The following GALNT18 variants were observed in gnomAD, a reference collection of about 807,000 sequenced individuals.
GALNT18 encodes polypeptide N-acetylgalactosaminyltransferase 18, also known as GalNAc-transferase 18.
In GALNT18, 44 loss-of-function variants were observed where a neutral mutation model predicts 69.5. The observed-to-expected ratio is 0.63, with a 90% CI of 0.50 to 0.81. The LOEUF (loss-of-function observed/expected upper bound fraction) is 0.81, where lower values mean the gene tolerates loss of function less well. Ranked by LOEUF, GALNT18 falls within the 40% of genes least tolerant of loss-of-function variation. GALNT18 has a pLI of 0.00. For synonymous variants in GALNT18, 364 were observed against 318.2 expected, an observed-to-expected ratio of 1.14 and a Z score of -1.53; for missense variants, 715 against 810.0, an observed-to-expected ratio of 0.88 and a Z score of 1.42.
At position 11,613,210 on chromosome 11, in the gene GALNT18, C is replaced by T. The variant is rs1308272507; in HGVS notation, c.235+8149G>A. ...TTAAGTGTTCATATAACAAGGAATC[C>T]TCTTGCTTAAAGTTCCAGTTGGCTG... is the stretch of plus-strand genomic sequence containing the variant. On this transcript the variant is annotated intron_variant, in intron 1 of 10. Coordinates refer to ENST00000227756, the MANE Select transcript of GALNT18 (RefSeq NM_198516.3). This position sits in a 1 kb window ranked among gnomAD's most constrained non-coding sequence, Gnocchi z 4.2. Among the ~76,000 whole-genome samples the T allele has an allele frequency of 6.6e-6, 1 of 152,122 alleles. No individual in the cohort carries two copies. Among genetic ancestry groups the T allele is most frequent in the African/African-American group, 2.4e-5 (1 of 41,408 alleles).
chr11:11,461,514 T>C lies in GALNT18; in HGVS notation c.236-12578A>G, dbSNP rs1856042176. Among the ~76,000 whole-genome samples the C allele has an allele frequency of 6.6e-6, 1 of 152,226 alleles. No homozygotes were observed. The highest frequency in any genetic ancestry group is 1.5e-5 in the Non-Finnish European group (1 of 68,044). ...AAAGCAACCTTTAAAGCTAGAATTC[T>C]GCCTAGGAGAGATATAATAAACTCT... On this transcript the variant is annotated intron_variant, in intron 1 of 10. Coordinates refer to ENST00000227756, the MANE Select transcript of GALNT18 (RefSeq NM_198516.3). The surrounding 1 kb of genome is among the most constrained non-coding windows in gnomAD (Gnocchi z 4.1).
intron 6 of GALNT18, chr11:11,352,770 T>A: frequency 6.2e-7 from 1 of 1,614,170 alleles, no homozygotes; most frequent in Non-Finnish European, 8.5e-7. Context: ...GTCTGTGTTG[T>A]TTACGTGTTC....
At position 11,614,996 on chromosome 11, in the gene GALNT18, G is replaced by T. The variant is rs556411852; in HGVS notation, c.235+6363C>A. On this transcript the variant is annotated intron_variant, in intron 1 of 10. Transcript: ENST00000227756. The surrounding 1 kb of genome is among the most constrained non-coding windows in gnomAD (Gnocchi z 5.6). ...CTGTGGTTCTGAACTAGTAACAAAG[G>T]TAATTAGGCTCAACTCCTAAGTCCT... 6.6e-6 allele frequency among the ~76,000 whole-genome samples: 1 copy of T among 152,184 alleles called. No individual in the cohort carries two copies. The highest frequency in any genetic ancestry group is 1.5e-5 in the Non-Finnish European group (1 of 68,048).
rs1220128049 is a variant in GALNT18 at position 11,602,786 on chromosome 11, G to C, written c.235+18573C>G. Among the ~76,000 whole-genome samples the C allele has an allele frequency of 6.6e-6, 1 of 152,164 alleles. No homozygotes were observed. Among genetic ancestry groups the C allele is most frequent in the East Asian group, 1.9e-4 (1 of 5,184 alleles). ...GCAAAAAAAGAGAGAATCATTTAGA[G>C]AACAGCTGGCTCTATTGATCAGTGC... On this transcript the variant is annotated intron_variant, in intron 1 of 10. Transcript: ENST00000227756. This position sits in a 1 kb window ranked among gnomAD's most constrained non-coding sequence, Gnocchi z 4.7.
Position 11,356,892 on chromosome 11 carries a change from C to A in GALNT18, c.1092+15623G>T, listed in dbSNP as rs536347464. ...TAATTTTGCACTTATCTTCACTAAC[C>A]ATAAAACTTTTACAACGTACTTTTA... On this transcript the variant is annotated intron_variant, in intron 6 of 10. Transcript: ENST00000227756. This position sits in a 1 kb window ranked among gnomAD's most constrained non-coding sequence, Gnocchi z 4.4. Among the ~76,000 whole-genome samples the A allele has an allele frequency of 3.3e-5, 5 of 152,248 alleles. No homozygotes were observed. In the East Asian group the frequency reaches 9.7e-4, roughly 29 times the overall value.
chr11:11,297,259 G>A (rs1849417923), intron 9 of GALNT18, among the ~76,000 whole-genome samples: 1 of 152,114 alleles, frequency 6.6e-6, no homozygotes, highest in South Asian at 2.1e-4. Context: ...TATAATAAAA[G>A]CTAACATGTT....
Position 11,503,717 on chromosome 11 carries a change from G to A in GALNT18, c.236-54781C>T, listed in dbSNP as rs190101675. On this transcript the variant is annotated intron_variant, in intron 1 of 10. Coordinates refer to ENST00000227756, the MANE Select transcript of GALNT18 (RefSeq NM_198516.3). ...TCCCTGCGGATTATGAGAAAGCTTC[G>A]CCACCTTCTGTGACCGTTCCAACTG... Among the ~76,000 whole-genome samples the A allele has an allele frequency of 1.9e-3, 296 of 152,286 alleles. 3 individuals carry two copies. The highest frequency in any genetic ancestry group is 6.6e-3 in the African/African-American group (273 of 41,544).
intron 1 of GALNT18, among the ~76,000 whole-genome samples, chr11:11,474,731 C>G (rs992078003): frequency 1.3e-5 from 2 of 152,224 alleles, no homozygotes; most frequent in Non-Finnish European, 2.9e-5. Context: ...ATTTATTCCT[C>G]ACTGTATCAA....
At chr11:11,458,708 C>T (rs545038277) in intron 1 of GALNT18, among the ~76,000 whole-genome samples, 2 of 152,382 alleles carry the variant, frequency 1.3e-5, no homozygotes, top group East Asian at 3.9e-4. Context: ...ACAGCCGGAA[C>T]AGCAGCGTTC....
chr11:11,595,014 T>TA lies in GALNT18; in HGVS notation c.235+26344dup, dbSNP rs2133935842. 6.6e-6 allele frequency among the ~76,000 whole-genome samples: 1 copy of TA among 151,164 alleles called. No homozygotes were observed. The highest frequency in any genetic ancestry group is 1.9e-4 in the East Asian group (1 of 5,152). On this transcript the variant is annotated intron_variant, in intron 1 of 10. Transcript: ENST00000227756. This position sits in a 1 kb window ranked among gnomAD's most constrained non-coding sequence, Gnocchi z 5.2. ...GTGTGTGTGTGTATATATATCTATA[T>TA]AAAATCTCCAAGAATGAATATATAC...
chr11:11,395,035 A>G lies in GALNT18; in HGVS notation c.596-15771T>C, dbSNP rs563377747. Among the ~76,000 whole-genome samples the G allele has an allele frequency of 3.9e-5, 6 of 152,334 alleles. No individual in the cohort carries two copies. In the East Asian group the frequency reaches 1.2e-3, roughly 29 times the overall value. ...AGCTCTGCGGTATAAGGCAAAGTTG[A>G]TCTCCAGGTTCAGAACTGGGGTTAT... On this transcript the variant is annotated intron_variant, in intron 3 of 10. Coordinates refer to ENST00000227756, the MANE Select transcript of GALNT18 (RefSeq NM_198516.3).
rs1253908823 is a variant in GALNT18 at position 11,562,896 on chromosome 11, C to T, written c.235+58463G>A. Reference sequence around the variant, plus strand: ...CGAGGCCTGGGCTTTCCCTTCCCATCACCCTGCCTCAGGCTTCATTCAGCA... The same window carrying T: ...CGAGGCCTGGGCTTTCCCTTCCCATTACCCTGCCTCAGGCTTCATTCAGCA... On this transcript the variant is annotated intron_variant, in intron 1 of 10. Coordinates refer to ENST00000227756, the MANE Select transcript of GALNT18 (RefSeq NM_198516.3). This position sits in a 1 kb window ranked among gnomAD's most constrained non-coding sequence, Gnocchi z 4.1. Among the ~76,000 whole-genome samples the T allele has an allele frequency of 1.3e-5, 2 of 152,174 alleles. No individual in the cohort carries two copies. Among genetic ancestry groups the T allele is most frequent in the Non-Finnish European group, 2.9e-5 (2 of 68,038 alleles).
At chr11:11,367,934 G>C (rs1850808156) in intron 6 of GALNT18, among the ~76,000 whole-genome samples, 1 of 152,146 alleles carries the variant, frequency 6.6e-6, no homozygotes, top group African/African-American at 2.4e-5. Context: ...TAACAACTGT[G>C]CCATACTGTG....
At chr11:11,489,408 T>C (rs1195488268) in intron 1 of GALNT18, among the ~76,000 whole-genome samples, 1 of 152,154 alleles carries the variant, frequency 6.6e-6, no homozygotes, top group East Asian at 1.9e-4. Context: ...TGAACCTCCC[T>C]GAGATAATAG....
In GALNT18 at chr11:11,271,308, C is replaced by G. The variant is rs1341594481; in HGVS notation, c.1678-18G>C. The stretch of plus-strand genomic sequence containing the variant: ...GGTCCTCCCTAGGGGCCAGGGCAGA[C>G]AGTGGGGTCAGAGGGCATAGAGGCA... On this transcript the variant is annotated intron_variant, in intron 10 of 10. Transcript: ENST00000227756. The G allele has an allele frequency of 3.1e-6, 5 of 1,610,562 alleles. No individual in the cohort carries two copies. The highest frequency in any genetic ancestry group is 4.2e-6 in the Non-Finnish European group (5 of 1,177,172).
intron 3 of GALNT18, among the ~76,000 whole-genome samples, chr11:11,418,618 T>C (rs1179335004): frequency 6.6e-6 from 1 of 152,234 alleles, no homozygotes; most frequent in Non-Finnish European, 1.5e-5. Context: ...CTTTGCTTTG[T>C]GTGCTTTGCT....
chr11:11,277,406 T>G (rs999253186), intron 10 of GALNT18, among the ~76,000 whole-genome samples: 1 of 152,060 alleles, frequency 6.6e-6, no homozygotes, highest in African/African-American at 2.4e-5. Flanking sequence ...CTTTTTTTTG[T>G]TAGTCTGGCT....
intron 9 of GALNT18, among the ~76,000 whole-genome samples, chr11:11,312,058 G>A (rs977583414): frequency 8.5e-5 from 13 of 152,156 alleles, no homozygotes; most frequent in African/African-American, 3.1e-4. Context: ...CCGGGTTCAC[G>A]CCGTTCTCCT....
rs117218195 is a variant in GALNT18, at chr11:11,418,070, G to A, written c.595+14551C>T. On this transcript the variant is annotated intron_variant, in intron 3 of 10. Transcript: ENST00000227756. ...TGATAGAACTACTAAATGGCTCTGT[G>A]CTCAGCCATGCATTGTTTAAGGAAG... Among the ~76,000 whole-genome samples the A allele has an allele frequency of 1.8e-4, 27 of 152,328 alleles. No homozygotes were observed. The East Asian group carries it at 5.0e-3, about 28-fold the overall frequency.
Sources: allele counts gnomAD v4.1 joint callset (sites outside exome capture counted in the v4.1 genomes callset), GRCh38; gene constraint gnomAD v4.1.1; non-coding constraint Gnocchi (gnomAD v3.1); transcripts MANE v1.5; gene names NCBI Gene and HGNC (gene_info 2026-07-23, HGNC 2026-07-21).